CA8: variants seen among roughly 807,000 people sequenced by gnomAD.
CA8 encodes carbonic anhydrase-related protein.
Under a neutral mutation model 41.4 loss-of-function variants are expected in CA8, and 22 were observed. That is an observed-to-expected ratio of 0.53 (90% CI 0.38 to 0.76). The LOEUF is 0.76. CA8 is among the 30% of genes least tolerant of loss of function. The probability of loss-of-function intolerance (pLI) is 0.00; values close to 1 mark genes in which losing one functional copy is unlikely to be tolerated. For synonymous variants in CA8, 121 were observed against 130.6 expected (o/e 0.93, Z 0.50); for missense variants, 270 against 352.8 (o/e 0.77, Z 1.88).
intron 4 of CA8, 49 bp from the exon 5 acceptor site, chr8:60,226,984 A>G: frequency 7.4e-7 from 1 of 1,344,782 alleles, no homozygotes; most frequent in Admixed American, 1.7e-5. Context: ...TTCAGTGTTT[A>G]GCTTTAACTA....
At chr8:60,222,176 G>A (rs1487833025) in intron 7 of CA8, among the ~76,000 whole-genome samples, 4 of 152,132 alleles carry the variant, frequency 2.6e-5, no homozygotes, top group Non-Finnish European at 5.9e-5. Flanking sequence ...CCGGGGGTGG[G>A]CGACCAAAAG....
chr8:60,243,812 C>T (rs935122121), intron 3 of CA8, among the ~76,000 whole-genome samples: 6 of 152,186 alleles, frequency 3.9e-5, no homozygotes, highest in South Asian at 2.1e-4. Flanking sequence ...AGTTCCATCG[C>T]AGGCTCCATT....
chr8:60,229,152 A>C (rs1342889567), intron 4 of CA8, among the ~76,000 whole-genome samples: 1 of 129,072 alleles, frequency 7.7e-6, no homozygotes, highest in Non-Finnish European at 1.6e-5. Flanking sequence ...CTCAGCCCTG[A>C]ACCACCTGTT....
At chr8:60,280,828 A>G (rs1804393149) in intron 1 of CA8, among the ~76,000 whole-genome samples, 1 of 152,168 alleles carries the variant, frequency 6.6e-6, no homozygotes, top group Admixed American at 6.5e-5. Flanking sequence ...CCCGGGTGAG[A>G]GCGCAGGCGG....
intron 2 of CA8, among the ~76,000 whole-genome samples, chr8:60,269,193 G>T (rs931732213): frequency 5.9e-5 from 9 of 151,994 alleles, no homozygotes; most frequent in African/African-American, 9.7e-5. Context: ...TTATCCATCT[G>T]GTAACCCTCT....
At chr8:60,216,718 T>C (rs1807035050) in intron 7 of CA8, among the ~76,000 whole-genome samples, 1 of 152,132 alleles carries the variant, frequency 6.6e-6, no homozygotes, top group Non-Finnish European at 1.5e-5. Context: ...AGTAGTAAAA[T>C]ATTGTATCAT....
chr8:60,274,563 G>A (rs1187864541), intron 2 of CA8, among the ~76,000 whole-genome samples: 1 of 152,162 alleles, frequency 6.6e-6, no homozygotes, highest in Non-Finnish European at 1.5e-5. Context: ...AGATGTCCAG[G>A]AGGTGATCAG....
At chr8:60,195,345 T>C (rs1383475271) in intron 8 of CA8, among the ~76,000 whole-genome samples, 1 of 152,190 alleles carries the variant, frequency 6.6e-6, no homozygotes, top group Non-Finnish European at 1.5e-5. Flanking sequence ...AGCAAATCAC[T>C]ACTGGAGAAT....
At chr8:60,192,484 G>C (rs1806158123) in intron 8 of CA8, among the ~76,000 whole-genome samples, 2 of 152,126 alleles carry the variant, frequency 1.3e-5, no homozygotes, top group African/African-American at 4.8e-5. Flanking sequence ...ACATAAATGT[G>C]AAGTATGGCC....
chr8:60,200,015 C>G (rs1398555377), intron 8 of CA8, among the ~76,000 whole-genome samples: 1 of 152,156 alleles, frequency 6.6e-6, no homozygotes, highest in African/African-American at 2.4e-5. Flanking sequence ...AAAATCTTAA[C>G]CACTAAGGTG....
chr8:60,190,347 T>C (rs1246873495), intron 8 of CA8, among the ~76,000 whole-genome samples: 2 of 149,566 alleles, frequency 1.3e-5, no homozygotes, highest in East Asian at 3.9e-4. Context: ...TAATCACAGA[T>C]GGATGGTAGC....
intron 8 of CA8, among the ~76,000 whole-genome samples, chr8:60,191,121 TC>T (rs1806117518): frequency 6.6e-6 from 1 of 151,770 alleles, no homozygotes; most frequent in South Asian, 2.1e-4. Context: ...AAACTACATT[TC>T]AAATATGATA....
chr8:60,204,255 C>G (rs1447051862), intron 8 of CA8, among the ~76,000 whole-genome samples: 1 of 152,198 alleles, frequency 6.6e-6, no homozygotes, highest in Non-Finnish European at 1.5e-5. Context: ...AAACTGGTCA[C>G]AGTGATTTCC....
intron 3 of CA8, among the ~76,000 whole-genome samples, chr8:60,241,076 T>C (rs913376676): frequency 6.6e-6 from 1 of 152,212 alleles, no homozygotes; most frequent in Non-Finnish European, 1.5e-5. Flanking sequence ...CTCATAATTA[T>C]ATGAAGCAGC....
At chr8:60,251,422 G>T (rs972124738) in intron 3 of CA8, among the ~76,000 whole-genome samples, 1 of 152,152 alleles carries the variant, frequency 6.6e-6, no homozygotes, top group Admixed American at 6.5e-5. Context: ...ATTTAGCTTT[G>T]AGTTTAATTA....
chr8:60,217,083 C>T (rs758032626), intron 7 of CA8, among the ~76,000 whole-genome samples: 12 of 152,052 alleles, frequency 7.9e-5, no homozygotes, highest in Non-Finnish European at 1.0e-4. Context: ...AGGGTTTCAC[C>T]GTGTTGGCCA....
chr8:60,234,168 A>G (rs1807752179), intron 3 of CA8, among the ~76,000 whole-genome samples: 1 of 152,194 alleles, frequency 6.6e-6, no homozygotes, highest in Non-Finnish European at 1.5e-5. Flanking sequence ...TAGCCACAAG[A>G]AAAACATCAG....
chr8:60,196,724 T>C (rs1806291917), intron 8 of CA8, among the ~76,000 whole-genome samples: 1 of 152,134 alleles, frequency 6.6e-6, no homozygotes, highest in Admixed American at 6.6e-5. Context: ...AACCTCTCTT[T>C]CTTTTGCTCT....
chr8:60,187,885 T>C lies in CA8; in HGVS notation c.*2136A>G, dbSNP rs546451051. ...AGGGTCCATCACATAGGTTTTACTTTCTTTCCTATCACACCATCAAAACAG... is the reference window on the plus strand; with the variant it reads ...AGGGTCCATCACATAGGTTTTACTTCCTTTCCTATCACACCATCAAAACAG... On this transcript the variant is annotated 3_prime_UTR_variant, in exon 9 of 9. Coordinates refer to ENST00000317995, the MANE Select transcript of CA8 (RefSeq NM_004056.6). The C allele has an allele frequency of 3.3e-5, 5 of 152,226 alleles. No individual in the cohort carries two copies. The highest frequency in any genetic ancestry group is 7.3e-5 in the Non-Finnish European group (5 of 68,038). 9.4% of individuals were successfully genotyped at this position (152,226 alleles called of 1,614,324 possible).
Sources: allele counts gnomAD v4.1 joint callset (sites outside exome capture counted in the v4.1 genomes callset), GRCh38; gene constraint gnomAD v4.1.1; transcripts MANE v1.5; gene names NCBI Gene and HGNC (gene_info 2026-07-23, HGNC 2026-07-21).